Variants in USP15 observed in about 807,000 individuals in gnomAD.
The protein encoded by USP15 is ubiquitin specific peptidase 15, also known as ubiquitin carboxyl-terminal hydrolase 15.
USP15 carries 18 observed loss-of-function variants against 127.1 expected under a neutral mutation model. That is an observed-to-expected ratio of 0.14 (90% CI 0.10 to 0.21). The LOEUF (loss-of-function observed/expected upper bound fraction) is 0.21, where lower values mean the gene tolerates loss of function less well. Among genes scored for constraint, USP15 ranks in the 10% least tolerant of loss-of-function variants. USP15 has a pLI of 1.00. For missense variants in USP15, 805 were observed against 1,159.9 expected (o/e 0.69, Z 4.44); for synonymous variants, 364 against 393.7 (o/e 0.92, Z 0.89).
At chr12:62,373,534 C>A (rs935615153) in intron 8 of USP15, among the ~76,000 whole-genome samples, 2 of 151,898 alleles carry the variant, frequency 1.3e-5, no homozygotes, top group African/African-American at 4.8e-5. Flanking sequence ...AGGACAACAT[C>A]CTTGTCCAGT....
intron 6 of USP15, among the ~76,000 whole-genome samples, chr12:62,326,861 G>A (rs776945061): frequency 6.6e-6 from 1 of 152,206 alleles, no homozygotes; most frequent in Non-Finnish European, 1.5e-5. Context: ...TCCGGGTGCA[G>A]TGGCACATCC....
intron 8 of USP15, among the ~76,000 whole-genome samples, chr12:62,371,507 C>CA (rs780500589): frequency 2.6e-5 from 4 of 152,082 alleles, no homozygotes; most frequent in East Asian, 1.9e-4. Flanking sequence ...TGTAAGTGAT[C>CA]AAAAGTCTCT....
Position 62,389,836 on chromosome 12 carries a change from C to T in USP15, c.1692C>T (p.His564=), listed in dbSNP as rs144407646. Residue 564 remains histidine (H), a synonymous_variant, in exon 14 of 22, where the codon CAC becomes CAT. Transcript: ENST00000280377. ...TCAATAGGACAGAAGATACAGAGCA[C>T]GTGATTATTCCTGTTTGCCTAAGAG... ...ININRTEDTE[H]VIIPVCLREK... 493 of 1,613,528 alleles carry T rather than the reference C, an allele frequency of 3.1e-4. 2 individuals carry two copies. Among genetic ancestry groups the T allele is most frequent in the South Asian group, 2.0e-3 (181 of 91,020 alleles).
chr12:62,277,580 G>GA, intron 1 of USP15: 1 of 152,122 alleles, frequency 6.6e-6, no homozygotes, highest in East Asian at 1.9e-4. Context: ...TGAGTTAGTA[G>GA]AGAGTGAATG....
chr12:62,285,573 C>G (rs1237285790), intron 1 of USP15, among the ~76,000 whole-genome samples: 1 of 152,106 alleles, frequency 6.6e-6, no homozygotes, highest in Non-Finnish European at 1.5e-5. Flanking sequence ...GCCTCCACTT[C>G]CATCCATGGT....
At chr12:62,333,128 A>T (rs1388212938) in intron 6 of USP15, among the ~76,000 whole-genome samples, 1 of 152,272 alleles carries the variant, frequency 6.6e-6, no homozygotes, top group East Asian at 1.9e-4. Context: ...GTTAAAAATT[A>T]TTAAAATACA....
intron 6 of USP15, among the ~76,000 whole-genome samples, chr12:62,348,339 A>T (rs1441237891): frequency 1.3e-5 from 2 of 152,246 alleles, no homozygotes; most frequent in African/African-American, 4.8e-5. Context: ...ACCTAAAAGC[A>T]AATTTTGTAG....
chr12:62,289,876 T>C (rs533106449), intron 1 of USP15, among the ~76,000 whole-genome samples: 1 of 152,290 alleles, frequency 6.6e-6, no homozygotes, highest in South Asian at 2.1e-4. Flanking sequence ...CCAAAGATCG[T>C]TCAGGAACAT....
rs1467457896 is a variant in USP15, at chr12:62,386,646, A to C, written c.1473+2344A>C. ...GAAGAGGACATGGCCCACTTCTGTAATCTACAGTAGTTAATATGGCAAGCA... is the reference window on the plus strand; with the variant it reads ...GAAGAGGACATGGCCCACTTCTGTACTCTACAGTAGTTAATATGGCAAGCA... On this transcript the variant is annotated intron_variant, in intron 11 of 21. Coordinates refer to ENST00000280377, the MANE Select transcript of USP15 (RefSeq NM_001252078.2). Among the ~76,000 whole-genome samples, 4 of 152,118 alleles carry C rather than the reference A, an allele frequency of 2.6e-5. No homozygotes were observed. The East Asian group carries it at 7.7e-4, about 29-fold the overall frequency.
intron 3 of USP15, among the ~76,000 whole-genome samples, chr12:62,306,325 A>C (rs2064482396): frequency 6.6e-6 from 1 of 152,168 alleles, no homozygotes; most frequent in Non-Finnish European, 1.5e-5. Context: ...AAAACTTGAA[A>C]TGTGGCGTGG....
intron 7 of USP15, among the ~76,000 whole-genome samples, chr12:62,353,140 A>G (rs575714564): frequency 3.3e-5 from 5 of 152,100 alleles, no homozygotes; most frequent in East Asian, 1.9e-4. Context: ...TATGTGGATT[A>G]TAAGTGACCG....
rs2068068462 is a variant in USP15 at position 62,412,797 on chromosome 12, C to A, written c.*8422C>A. 6.6e-6 allele frequency: 1 copy of A among 152,194 alleles called. No individual in the cohort carries two copies. Among genetic ancestry groups the A allele is most frequent in the African/African-American group, 2.4e-5 (1 of 41,442 alleles). 9.4% of individuals were successfully genotyped at this position (152,194 alleles called of 1,614,324 possible). On this transcript the variant is annotated 3_prime_UTR_variant, in exon 22 of 22. Coordinates refer to ENST00000280377, the MANE Select transcript of USP15 (RefSeq NM_001252078.2). Reference sequence around the variant, plus strand: ...TTACTGCCGCCACTGAGGTTTTGAACTTCTCAAAGTCATGAAAGTTGTAAT... The same window carrying A: ...TTACTGCCGCCACTGAGGTTTTGAAATTCTCAAAGTCATGAAAGTTGTAAT...
Position 62,297,399 on chromosome 12 carries a change from A to G in USP15, c.217+3093A>G, listed in dbSNP as rs554168309. On this transcript the variant is annotated intron_variant, in intron 2 of 21. Transcript: ENST00000280377. ...TGTTTGGTGGGGGCAGATAGGAACA[A>G]AGGAAGAGGGGCAAGTGGCTTGCTG... Among the ~76,000 whole-genome samples, 3 of 152,244 alleles carry G rather than the reference A, an allele frequency of 2.0e-5. No homozygotes were observed. In the South Asian group the frequency reaches 6.2e-4, roughly 32 times the overall value.
At chr12:62,374,744 T>G (rs2066770191) in intron 8 of USP15, among the ~76,000 whole-genome samples, 1 of 152,112 alleles carries the variant, frequency 6.6e-6, no homozygotes, top group Non-Finnish European at 1.5e-5. Context: ...CAGATAACTC[T>G]AGAAACATCA....
intron 19 of USP15, among the ~76,000 whole-genome samples, chr12:62,394,190 CTTAG>C (rs1470091275): frequency 6.6e-6 from 1 of 152,194 alleles, no homozygotes; most frequent in Non-Finnish European, 1.5e-5. Context: ...TTCCCCGTCA[CTTAG>C]TTATTCAGCA....
intron 6 of USP15, among the ~76,000 whole-genome samples, chr12:62,343,117 G>C (rs190713467): frequency 6.6e-6 from 1 of 152,190 alleles, no homozygotes; most frequent in Non-Finnish European, 1.5e-5. Context: ...GCCCTGCCCA[G>C]TGAGGAGGAA....
chr12:62,398,730 A>C (rs908339261), intron 20 of USP15, among the ~76,000 whole-genome samples: 1 of 152,176 alleles, frequency 6.6e-6, no homozygotes, highest in African/African-American at 2.4e-5. Flanking sequence ...CTTGGAAAAA[A>C]ATATACATTC....
At chr12:62,331,350 T>C (rs915616482) in intron 6 of USP15, among the ~76,000 whole-genome samples, 4 of 152,310 alleles carry the variant, frequency 2.6e-5, no homozygotes, top group Non-Finnish European at 4.4e-5. Context: ...CTAATAAGCT[T>C]GCAGGTCACA....
intron 8 of USP15, among the ~76,000 whole-genome samples, chr12:62,380,738 A>G (rs896870774): frequency 6.6e-6 from 1 of 152,086 alleles, no homozygotes; most frequent in African/African-American, 2.4e-5. Flanking sequence ...TATATGGATC[A>G]TCACCTTAAA....
Sources: allele counts gnomAD v4.1 joint callset (sites outside exome capture counted in the v4.1 genomes callset), GRCh38; gene constraint gnomAD v4.1.1; transcripts MANE v1.5; gene names NCBI Gene and HGNC (gene_info 2026-07-23, HGNC 2026-07-21).